Variants in SLC49A4 observed in about 807,000 individuals in gnomAD.
The protein encoded by SLC49A4 is disrupted in renal cancer protein 2.
A neutral mutation model predicts 50.6 loss-of-function variants in SLC49A4; 36 were observed. The observed-to-expected ratio is 0.71, with a 90% confidence interval of 0.55 to 0.94. The LOEUF (loss-of-function observed/expected upper bound fraction) is 0.94, where lower values mean the gene tolerates loss of function less well. Ranked by LOEUF, SLC49A4 falls within the 40% of genes least tolerant of loss-of-function variation. SLC49A4 has a pLI of 0.00. For missense variants in SLC49A4, 503 were observed against 605.7 expected, an observed-to-expected ratio of 0.83 and a Z score of 1.78; for synonymous variants, 248 against 241.2, an observed-to-expected ratio of 1.03 and a Z score of -0.26.
In SLC49A4 at chr3:122,860,761, A is replaced by T. The variant is rs578215496; in HGVS notation, c.1138+559A>T. Among the ~76,000 whole-genome samples, 14 of 152,328 alleles carry T rather than the reference A, an allele frequency of 9.2e-5. No homozygotes were observed. In the East Asian group the frequency reaches 2.5e-3, roughly 27 times the overall value. The stretch of plus-strand genomic sequence containing the variant: ...TTTCTTGTCATTATTAATATCATCA[A>T]TTCAGAGTCTATTTTCTATTGCTGC... On this transcript the variant is annotated intron_variant, in intron 7 of 8. Transcript: ENST00000261038.
chr3:122,870,145 T>G (rs965703614), intron 7 of SLC49A4, among the ~76,000 whole-genome samples: 2 of 152,188 alleles, frequency 1.3e-5, no homozygotes, highest in Non-Finnish European at 2.9e-5. Flanking sequence ...GTAGAAAGTA[T>G]TATTTCAAAA....
chr3:122,803,266 T>C (rs1190961413), intron 1 of SLC49A4, among the ~76,000 whole-genome samples: 1 of 151,728 alleles, frequency 6.6e-6, no homozygotes, highest in Non-Finnish European at 1.5e-5. Context: ...GGGAAAGCAA[T>C]GTAAGGGATT....
rs1029511414 is a variant in SLC49A4, at chr3:122,879,480, A to G, written c.*102A>G. 5.9e-6 allele frequency: 5 copies of G among 843,890 alleles called. No homozygotes were observed. Among genetic ancestry groups the G allele is most frequent in the Middle Eastern group, 3.1e-4 (1 of 3,268 alleles). The allele number at this position is 843,890 out of a possible 1,614,324, so 52.3% of individuals were successfully genotyped here. A position where few individuals can be genotyped will look rare whatever the true frequency, so the allele number is the denominator to read the frequency against. ...TCTAACAGGAAAAGAGGGAGAAGAA[A>G]GAAACTTCATTCAGAGGTTTTGTTA... On this transcript the variant is annotated 3_prime_UTR_variant, in exon 9 of 9. Coordinates refer to ENST00000261038, the MANE Select transcript of SLC49A4 (RefSeq NM_032839.3).
intron 7 of SLC49A4, among the ~76,000 whole-genome samples, chr3:122,871,189 C>G (rs1022061792): frequency 6.6e-6 from 1 of 151,992 alleles, no homozygotes; most frequent in Non-Finnish European, 1.5e-5. Context: ...ATCTTCTATT[C>G]AAAGAAACAA....
chr3:122,865,442 G>A (rs1479039230), intron 7 of SLC49A4, among the ~76,000 whole-genome samples: 2 of 152,140 alleles, frequency 1.3e-5, no homozygotes, highest in African/African-American at 4.8e-5. Flanking sequence ...TCAGAAGTAG[G>A]TTATGAAGGC....
At position 122,806,963 on chromosome 3, in the gene SLC49A4, A is replaced by C. The variant is rs200117533; in HGVS notation, c.437+13A>C. On this transcript the variant is annotated intron_variant, in intron 2 of 8. Transcript: ENST00000261038. ...TCCTTAAAAGAAGGTAAATCCTGTA[A>C]ATAACATTTCTCCCCCATTTTTCAT... The C allele has an allele frequency of 6.8e-7, 1 of 1,463,432 alleles. No homozygotes were observed. The highest frequency in any genetic ancestry group is 2.3e-5 in the East Asian group (1 of 43,540). 90.7% of individuals were successfully genotyped at this position (1,463,432 alleles called of 1,614,324 possible). A position where few individuals can be genotyped will look rare whatever the true frequency, so the allele number is the denominator to read the frequency against.
intron 8 of SLC49A4, among the ~76,000 whole-genome samples, chr3:122,878,108 A>G (rs372609196): frequency 1.3e-5 from 2 of 152,192 alleles, no homozygotes; most frequent in Non-Finnish European, 2.9e-5. Context: ...TCCTTTAGCC[A>G]TAAGAATTAT....
At position 122,878,912 on chromosome 3, in the gene SLC49A4, G is replaced by A. The variant is rs192521595; in HGVS notation, c.1322-351G>A. Among the ~76,000 whole-genome samples the A allele has an allele frequency of 7.2e-4, 109 of 152,284 alleles. 5 individuals carry two copies. In the East Asian group the frequency reaches 9.6e-3, roughly 13 times the overall value. ...CAGATATTTATAAACAGGGACAAGA[G>A]TGATGATGATAGAGGGTACTTAAAA... On this transcript the variant is annotated intron_variant, in intron 8 of 8. Transcript: ENST00000261038.
intron 1 of SLC49A4, among the ~76,000 whole-genome samples, chr3:122,801,901 G>A (rs1936139152): frequency 1.3e-5 from 2 of 152,150 alleles, no homozygotes; most frequent in Non-Finnish European, 2.9e-5. Context: ...AGGAGCAGTG[G>A]GTATTAGTCA....
chr3:122,846,310 C>T (rs1241503875), intron 5 of SLC49A4, among the ~76,000 whole-genome samples: 5 of 152,070 alleles, frequency 3.3e-5, no homozygotes, highest in Non-Finnish European at 7.4e-5. Flanking sequence ...GTCATCCATT[C>T]CTTCTCTTTG....
chr3:122,844,075 G>A (rs1936816213), intron 4 of SLC49A4, among the ~76,000 whole-genome samples: 1 of 152,104 alleles, frequency 6.6e-6, no homozygotes, highest in African/African-American at 2.4e-5. Context: ...AAATTTCTTT[G>A]GAAAACAGAC....
intron 8 of SLC49A4, among the ~76,000 whole-genome samples, chr3:122,876,217 T>C (rs1025827040): frequency 6.6e-6 from 1 of 152,262 alleles, no homozygotes; most frequent in African/African-American, 2.4e-5. Context: ...TTGTATCCTT[T>C]ATGTGCTCTG....
chr3:122,795,377 C>T lies in SLC49A4; in HGVS notation c.185C>T (p.Ala62Val). The change falls in exon 1 of 9, where the codon GCG becomes GTG. Residue 62 changes from alanine to valine, a missense_variant. Coordinates refer to ENST00000261038, the MANE Select transcript of SLC49A4 (RefSeq NM_032839.3). ...WLVLLLFSLL[A>V]FVQGLVWNTW... is the part of the protein sequence containing the mutation. ...GTGCTGCTGCTCTTCTCGCTGCTGGCGTTCGTTCAGGGCCTGGTCTGGAAC... is the reference window on the plus strand; with the variant it reads ...GTGCTGCTGCTCTTCTCGCTGCTGGTGTTCGTTCAGGGCCTGGTCTGGAAC... 1.3e-6 allele frequency: 2 copies of T among 1,599,612 alleles called. No homozygotes were observed. The highest frequency in any genetic ancestry group is 1.7e-6 in the Non-Finnish European group (2 of 1,176,662).
At chr3:122,820,574 A>T (rs1936435569) in intron 2 of SLC49A4, among the ~76,000 whole-genome samples, 2 of 152,250 alleles carry the variant, frequency 1.3e-5, no homozygotes, top group African/African-American at 4.8e-5. Flanking sequence ...CTACATTAGA[A>T]GATGTGAACT....
At chr3:122,866,301 C>G (rs932873411) in intron 7 of SLC49A4, among the ~76,000 whole-genome samples, 4 of 151,864 alleles carry the variant, frequency 2.6e-5, no homozygotes, top group Non-Finnish European at 4.4e-5. Flanking sequence ...CTTGGCCTCC[C>G]AAAATGTTGG....
At chr3:122,849,039 C>T (rs895192442) in intron 5 of SLC49A4, among the ~76,000 whole-genome samples, 1 of 152,198 alleles carries the variant, frequency 6.6e-6, no homozygotes, top group Non-Finnish European at 1.5e-5. Context: ...TTAGTTCCCA[C>T]ATATGAATGA....
intron 8 of SLC49A4, 115 bp downstream of exon 8, chr3:122,872,712 G>A: frequency 1.5e-6 from 1 of 676,030 alleles, no homozygotes; most frequent in Non-Finnish European, 2.3e-6. Context: ...TACTTTATGT[G>A]AACTTCCATT....
intron 2 of SLC49A4, among the ~76,000 whole-genome samples, chr3:122,812,946 A>G (rs1010323184): frequency 2.6e-5 from 4 of 151,708 alleles, no homozygotes; most frequent in Non-Finnish European, 4.4e-5. Context: ...TTTAAGAGGG[A>G]AAAAAAGGGA....
chr3:122,843,900 G>A (rs964890649), intron 4 of SLC49A4, among the ~76,000 whole-genome samples: 1 of 152,176 alleles, frequency 6.6e-6, no homozygotes. Flanking sequence ...TCTGTTTCAA[G>A]ATGCACCCCT....
Sources: gnomAD v4.1 joint callset for allele counts (sites outside exome capture counted in the v4.1 genomes callset) on GRCh38, gnomAD v4.1.1 for gene constraint, MANE v1.5 for transcripts, NCBI Gene and HGNC (gene_info 2026-07-23, HGNC 2026-07-21) for gene names.